The following UNC79 variants were observed in gnomAD, a reference collection of about 807,000 sequenced individuals.
UNC79 encodes unc-79 subunit of NALCN channel complex.
UNC79 carries 37 observed loss-of-function variants against 283.1 expected under a neutral mutation model. The ratio of observed to expected loss-of-function variants is 0.13; its 90% CI spans 0.10 to 0.17. The LOEUF (loss-of-function observed/expected upper bound fraction) is 0.17, where lower values mean the gene tolerates loss of function less well. Among genes scored for constraint, UNC79 ranks in the 10% least tolerant of loss-of-function variants. UNC79 has a pLI of 1.00. For missense variants in UNC79, 2,272 were observed against 3,211.1 expected (o/e 0.71, Z 7.07); for synonymous variants, 1,107 against 1,200.2 (o/e 0.92, Z 1.61).
At chr14:93,571,969 A>C in exon 15 of UNC79, 1 of 1,614,218 alleles carries the variant, frequency 6.2e-7, no homozygotes, top group African/African-American at 1.3e-5. Context: ...CCTCTGCCTG[A>C]TCCCCTATAA....
chr14:93,699,915 T>C (rs1236758967), intron 47 of UNC79, among the ~76,000 whole-genome samples: 1 of 152,212 alleles, frequency 6.6e-6, no homozygotes, highest in Non-Finnish European at 1.5e-5. Flanking sequence ...TCATCTTTCA[T>C]CTTTCCTTCT....
chr14:93,593,941 AG>A, intron 23 of UNC79, 104 bp downstream of exon 23: 6 of 1,297,300 alleles, frequency 4.6e-6, no homozygotes, highest in Non-Finnish European at 6.3e-6. Flanking sequence ...TCTTTTTAAA[AG>A]GCATTCTCCT....
exon 27 of UNC79, chr14:93,613,036 A>G (rs1182753136): frequency 6.2e-7 from 1 of 1,614,094 alleles, no homozygotes; most frequent in African/African-American, 1.3e-5. Flanking sequence ...ACCTCAAAAA[A>G]TGCGCCTGTC....
At chr14:93,700,789 T>G (rs1365825529) in intron 47 of UNC79, among the ~76,000 whole-genome samples, 1 of 152,202 alleles carries the variant, frequency 6.6e-6, no homozygotes, top group Non-Finnish European at 1.5e-5. Flanking sequence ...TCCTTATCAG[T>G]ACTCTCATGA....
chr14:93,403,734 A>T (rs1258613641), intron 1 of UNC79, among the ~76,000 whole-genome samples: 1 of 152,206 alleles, frequency 6.6e-6, no homozygotes, highest in Non-Finnish European at 1.5e-5. Context: ...TATCAACCAC[A>T]AGAAGAAGCA....
chr14:93,568,547 G>A (rs768152007), intron 14 of UNC79, among the ~76,000 whole-genome samples: 6 of 151,984 alleles, frequency 3.9e-5, no homozygotes, highest in Non-Finnish European at 5.9e-5. Context: ...GGTGGCGGGT[G>A]GCTGTAATCC....
chr14:93,629,960 T>C (rs991965516), intron 30 of UNC79, among the ~76,000 whole-genome samples: 3 of 152,244 alleles, frequency 2.0e-5, no homozygotes, highest in African/African-American at 7.2e-5. Flanking sequence ...AGTAAACTTT[T>C]CAGCAGGTTT....
chr14:93,641,386 A>G (rs908647680), intron 33 of UNC79, 139 bp downstream of exon 36: 1 of 773,184 alleles, frequency 1.3e-6, no homozygotes, highest in Non-Finnish European at 2.1e-6. Context: ...TGGCACACAG[A>G]TGCTTGTTCA....
intron 27 of UNC79, among the ~76,000 whole-genome samples, chr14:93,616,002 C>T (rs2066697146): frequency 6.6e-6 from 1 of 151,792 alleles, no homozygotes; most frequent in Non-Finnish European, 1.5e-5. Context: ...TTTTTTATTT[C>T]AATGGGTTTT....
Position 93,662,724 on chromosome 14 carries a change from C to G in UNC79, c.6636+10C>G, listed in dbSNP as rs1316494693. The G allele has an allele frequency of 6.3e-7, 1 of 1,592,242 alleles. No individual in the cohort carries two copies. The highest frequency in any genetic ancestry group is 1.3e-5 in the African/African-American group (1 of 74,628). ...CCGAGCTTTCACTAAGGTAAGCAAG[C>G]TTCCATATGTGTGTTCCTGTGAAAC... On this transcript the variant is annotated intron_variant, in intron 40 of 48. Transcript: ENST00000555664.
chr14:93,696,309 G>A lies in UNC79; in HGVS notation c.7548+1897G>A, dbSNP rs1444919772. Among the ~76,000 whole-genome samples the A allele has an allele frequency of 2.6e-5, 4 of 152,248 alleles. 1 individual carries two copies. Among genetic ancestry groups the A allele is most frequent in the South Asian group, 4.2e-4 (2 of 4,814 alleles). ...TCTTTGTGTACATATATGTTTTCATGTATGTTGGGCAAATACCTAGGAGTA... is the reference window on the plus strand; with the variant it reads ...TCTTTGTGTACATATATGTTTTCATATATGTTGGGCAAATACCTAGGAGTA... On this transcript the variant is annotated intron_variant, in intron 47 of 48. Coordinates refer to ENST00000555664, the Ensembl canonical transcript of UNC79.
chr14:93,475,660 T>TC (rs2057758523), intron 3 of UNC79, among the ~76,000 whole-genome samples: 1 of 152,194 alleles, frequency 6.6e-6, no homozygotes, highest in African/African-American at 2.4e-5. Context: ...GATGAGCTTG[T>TC]CAGTGCGTCT....
intron 20 of UNC79, among the ~76,000 whole-genome samples, chr14:93,583,360 C>G (rs1371059343): frequency 6.8e-6 from 1 of 147,908 alleles, no homozygotes; most frequent in Non-Finnish European, 1.5e-5. Context: ...TAGCTTGCTC[C>G]TGGGAGCCCA....
chr14:93,573,058 A>C (rs992612798), intron 16 of UNC79, among the ~76,000 whole-genome samples: 2 of 152,228 alleles, frequency 1.3e-5, no homozygotes, highest in Non-Finnish European at 2.9e-5. Context: ...TAGTAGCTTT[A>C]GGTCCTTTTG....
intron 1 of UNC79, among the ~76,000 whole-genome samples, chr14:93,390,225 A>G (rs550613934): frequency 3.3e-5 from 5 of 152,342 alleles, no homozygotes; most frequent in African/African-American, 9.6e-5. Context: ...ATATCATATG[A>G]TCATCTCAAT....
chr14:93,505,742 C>G (rs1223735575), intron 7 of UNC79, among the ~76,000 whole-genome samples: 1 of 142,040 alleles, frequency 7.0e-6, no homozygotes, highest in Non-Finnish European at 1.5e-5. Context: ...TTTTTTTTTG[C>G]CTCTTTTGCA....
intron 26 of UNC79, among the ~76,000 whole-genome samples, chr14:93,612,538 C>T (rs2066385768): frequency 6.6e-6 from 1 of 152,162 alleles, no homozygotes; most frequent in Admixed American, 6.5e-5. Context: ...GATAATATTG[C>T]TTCATAGCAC....
At chr14:93,547,834 TA>T (rs995013657) in intron 14 of UNC79, among the ~76,000 whole-genome samples, 14 of 148,452 alleles carry the variant, frequency 9.4e-5, no homozygotes, top group East Asian at 5.9e-4. Flanking sequence ...CTACAAAAAA[TA>T]AAAAAAAAAT....
At chr14:93,618,820 G>A (rs2066917961) in intron 29 of UNC79, among the ~76,000 whole-genome samples, 1 of 152,100 alleles carries the variant, frequency 6.6e-6, no homozygotes, top group South Asian at 2.1e-4. Flanking sequence ...TCAAGGCAAG[G>A]GAAATGAAAC....
Sources: allele counts gnomAD v4.1 joint callset (sites outside exome capture counted in the v4.1 genomes callset), GRCh38; gene constraint gnomAD v4.1.1; transcripts MANE v1.5; gene names NCBI Gene and HGNC (gene_info 2026-07-23, HGNC 2026-07-21).